CACNA1I: variants seen among roughly 807,000 people sequenced by gnomAD.
CACNA1I encodes the protein calcium voltage-gated channel subunit alpha1 I, also known as voltage-dependent T-type calcium channel subunit alpha-1I.
A neutral mutation model predicts 201.6 loss-of-function variants in CACNA1I; 74 were observed. The observed-to-expected ratio is 0.37, with a 90% confidence interval of 0.30 to 0.45. The LOEUF is 0.45. Ranked by LOEUF, CACNA1I falls within the 20% of genes least tolerant of loss-of-function variation. The pLI, the probability that CACNA1I is intolerant of heterozygous loss-of-function variation, is 1.00. For missense variants in CACNA1I, 2,346 were observed against 3,138.1 expected, an observed-to-expected ratio of 0.75 and a Z score of 6.03; for synonymous variants, 1,431 against 1,345.2, an observed-to-expected ratio of 1.06 and a Z score of -1.40.
At chr22:39,619,947 C>T (rs563576644) in intron 4 of CACNA1I, among the ~76,000 whole-genome samples, 1 of 151,470 alleles carries the variant, frequency 6.6e-6, no homozygotes, top group Non-Finnish European at 1.5e-5. Context: ...ATCCATCCAT[C>T]CATCCGTCCG....
intron 1 of CACNA1I, among the ~76,000 whole-genome samples, chr22:39,588,315 G>C (rs1324393767): frequency 6.7e-6 from 1 of 149,474 alleles, no homozygotes; most frequent in East Asian, 2.0e-4. Flanking sequence ...TTTTTATTGA[G>C]GTTAAATGTA....
In CACNA1I at chr22:39,658,211, C is replaced by T. The variant is rs746028467; in HGVS notation, c.2052C>T (p.Ala684=). Residue 684 remains alanine, a synonymous_variant, in exon 11 of 37, where the codon GCC becomes GCT. Transcript: ENST00000402142. The part of the protein sequence containing the change: ...ICNVVFTSMF[A]LEMILKLAAF... Reference sequence around the variant, plus strand: ...ATGTGGTCTTCACCAGCATGTTTGCCCTGGAGATGATCCTGAAGCTGGCTG... The same window carrying T: ...ATGTGGTCTTCACCAGCATGTTTGCTCTGGAGATGATCCTGAAGCTGGCTG... The T allele has an allele frequency of 3.7e-6, 6 of 1,613,976 alleles. No homozygotes were observed. The East Asian group carries it at 8.9e-5, about 24-fold the overall frequency.
At position 39,619,420 on chromosome 22, in the gene CACNA1I, C is replaced by T. The variant is rs762237234; in HGVS notation, c.580+13C>T. 9 of 1,594,444 alleles carry T rather than the reference C, an allele frequency of 5.6e-6. No individual in the cohort carries two copies. In the Admixed American group the frequency reaches 8.3e-5, roughly 15 times the overall value. On this transcript the variant is annotated intron_variant, in intron 4 of 36. Coordinates refer to ENST00000402142, the MANE Select transcript of CACNA1I (RefSeq NM_021096.4). ...AACCGCGTGCCCAGTGAGTCAGCCCCGCCCTGTCCACACATTCCTGGCTGA... is the reference window on the plus strand; with the variant it reads ...AACCGCGTGCCCAGTGAGTCAGCCCTGCCCTGTCCACACATTCCTGGCTGA...
intron 1 of CACNA1I, among the ~76,000 whole-genome samples, chr22:39,592,563 G>A (rs1357841971): frequency 1.3e-5 from 2 of 152,192 alleles, no homozygotes; most frequent in Non-Finnish European, 2.9e-5. Flanking sequence ...TGAAGTAGGC[G>A]AGGCAGCTGG....
intron 7 of CACNA1I, among the ~76,000 whole-genome samples, chr22:39,644,802 C>T (rs890380272): frequency 1.3e-5 from 2 of 152,182 alleles, no homozygotes; most frequent in African/African-American, 2.4e-5. Context: ...ATCATCCCCC[C>T]TCAGCTTCCT....
intron 4 of CACNA1I, among the ~76,000 whole-genome samples, chr22:39,623,467 G>T (rs1215313351): frequency 6.6e-6 from 1 of 152,086 alleles, no homozygotes; most frequent in Non-Finnish European, 1.5e-5. Flanking sequence ...TGTGTTGTGA[G>T]GGTGTGTGCT....
At chr22:39,667,058 C>T (rs1344741905) in intron 23 of CACNA1I, among the ~76,000 whole-genome samples, 2 of 152,220 alleles carry the variant, frequency 1.3e-5, no homozygotes, top group Non-Finnish European at 2.9e-5. Context: ...TCGGAGCCAC[C>T]TGGAGGGTTC....
At chr22:39,625,158 G>A (rs1320355314) in intron 4 of CACNA1I, among the ~76,000 whole-genome samples, 3 of 151,778 alleles carry the variant, frequency 2.0e-5, no homozygotes, top group East Asian at 3.9e-4. Context: ...CACCCGTCTC[G>A]GTCTCCCAAA....
intron 1 of CACNA1I, among the ~76,000 whole-genome samples, chr22:39,587,300 G>T (rs1001952267): frequency 1.3e-5 from 2 of 152,224 alleles, no homozygotes; most frequent in African/African-American, 4.8e-5. Context: ...GGATCTCAAT[G>T]CACTGAGATG....
At chr22:39,669,180 G>A (rs1331258034) in intron 24 of CACNA1I, among the ~76,000 whole-genome samples, 3 of 152,192 alleles carry the variant, frequency 2.0e-5, no homozygotes, top group Non-Finnish European at 4.4e-5. Flanking sequence ...CCCACTCAGT[G>A]GTGGAAGCAG....
intron 3 of CACNA1I, among the ~76,000 whole-genome samples, chr22:39,615,255 G>A (rs967788472): frequency 7.9e-5 from 12 of 152,202 alleles, no homozygotes; most frequent in African/African-American, 2.2e-4. Context: ...GCAGACACTC[G>A]GGGGAGATGG....
chr22:39,644,435 C>T (rs1045768191), intron 7 of CACNA1I, among the ~76,000 whole-genome samples: 1 of 152,196 alleles, frequency 6.6e-6, no homozygotes, highest in African/African-American at 2.4e-5. Flanking sequence ...AGTACATGTG[C>T]CCTGCTACTA....
At chr22:39,673,403 C>A (rs1383138094) in intron 28 of CACNA1I, among the ~76,000 whole-genome samples, 1 of 152,182 alleles carries the variant, frequency 6.6e-6, no homozygotes. Context: ...GGAACCCAGT[C>A]CAACTGGGAA....
intron 4 of CACNA1I, among the ~76,000 whole-genome samples, chr22:39,624,216 G>A (rs747947900): frequency 2.6e-5 from 4 of 151,968 alleles, no homozygotes; most frequent in Admixed American, 1.3e-4. Context: ...GTGTGTGGGC[G>A]CCTGTGCCTC....
At chr22:39,578,107 T>C (rs112176978) in intron 1 of CACNA1I, among the ~76,000 whole-genome samples, 1 of 150,440 alleles carries the variant, frequency 6.6e-6, no homozygotes, top group African/African-American at 2.4e-5. Flanking sequence ...GGGAAATTGT[T>C]GGCTCCTGGA....
intron 26 of CACNA1I, among the ~76,000 whole-genome samples, chr22:39,671,507 A>T (rs1483808677): frequency 6.6e-6 from 1 of 152,180 alleles, no homozygotes; most frequent in Non-Finnish European, 1.5e-5. Flanking sequence ...CATTTCAGGC[A>T]AACACTGGGG....
chr22:39,585,260 AC>A (rs1932707088), intron 1 of CACNA1I, among the ~76,000 whole-genome samples: 1 of 151,512 alleles, frequency 6.6e-6, no homozygotes, highest in Non-Finnish European at 1.5e-5. Context: ...ACAGGGTTTC[AC>A]CATGTTGGTC....
At position 39,585,230 on chromosome 22, in the gene CACNA1I, T is replaced by C. The variant is rs570767190; in HGVS notation, c.237-12921T>C. On this transcript the variant is annotated intron_variant, in intron 1 of 36. Coordinates refer to ENST00000402142, the MANE Select transcript of CACNA1I (RefSeq NM_021096.4). ...ATGTGCCACTGTGCCCGGATAATTT[T>C]TTTTTGCATTTTAGTAGAGACAGGG... 2.0e-5 allele frequency among the ~76,000 whole-genome samples: 3 copies of C among 151,816 alleles called. No individual in the cohort carries two copies. The East Asian group carries it at 5.8e-4, about 29-fold the overall frequency.
At chr22:39,657,730 A>G (rs1019861894) in intron 10 of CACNA1I, among the ~76,000 whole-genome samples, 11 of 152,238 alleles carry the variant, frequency 7.2e-5, no homozygotes, top group African/African-American at 2.4e-4. Flanking sequence ...GGTTCCCGGC[A>G]CGTGGTAAGT....
Sources: gnomAD v4.1 joint callset for allele counts (sites outside exome capture counted in the v4.1 genomes callset) on GRCh38, gnomAD v4.1.1 for gene constraint, MANE v1.5 for transcripts, NCBI Gene and HGNC (gene_info 2026-07-23, HGNC 2026-07-21) for gene names.